Variants in KIAA1217 observed in about 807,000 individuals in gnomAD.
KIAA1217 encodes sickle tail protein homolog.
KIAA1217 carries 88 observed loss-of-function variants against 163.9 expected under a neutral mutation model. That is an observed-to-expected ratio of 0.54 (90% CI 0.45 to 0.64). The LOEUF is 0.64. Ranked by LOEUF, KIAA1217 falls within the 30% of genes least tolerant of loss-of-function variation. The pLI is 0.00. For missense variants in KIAA1217, 2,372 were observed against 2,475.0 expected (o/e 0.96, Z 0.88); for synonymous variants, 903 against 923.1 (o/e 0.98, Z 0.39).
chr10:23,853,650 C>T (rs372016974), intron 1 of KIAA1217, among the ~76,000 whole-genome samples: 23 of 152,110 alleles, frequency 1.5e-4, no homozygotes, highest in African/African-American at 5.1e-4. Context: ...GTCCTGGACT[C>T]TTTTTAGTTG....
At position 23,781,961 on chromosome 10, in the gene KIAA1217, A is replaced by G. The variant is rs1588791366; in HGVS notation, c.-321+86727A>G. On this transcript the variant is annotated intron_variant, in intron 1 of 18. Coordinates refer to the KIAA1217 transcript ENST00000376462. ...TTTTATGCCAGTACCACATTGTTTC[A>G]ATCGCTATAGCTTTATGATAATTTT... 2.0e-5 allele frequency among the ~76,000 whole-genome samples: 3 copies of G among 152,234 alleles called. No individual in the cohort carries two copies. The South Asian group carries it at 6.2e-4, about 32-fold the overall frequency.
At chr10:24,421,578 C>T (rs1281751795) in intron 3 of KIAA1217, among the ~76,000 whole-genome samples, 1 of 152,174 alleles carries the variant, frequency 6.6e-6, no homozygotes, top group African/African-American at 2.4e-5. Flanking sequence ...AATTTTAAAA[C>T]AATCCTTCTA....
intron 1 of KIAA1217, among the ~76,000 whole-genome samples, chr10:24,211,786 G>A (rs1218488074): frequency 3.3e-5 from 5 of 151,852 alleles, no homozygotes; most frequent in East Asian, 1.9e-4. Context: ...GGACCAGGCG[G>A]TGATTAGCAG....
At chr10:23,818,110 C>CACAT (rs148525808) in intron 1 of KIAA1217, among the ~76,000 whole-genome samples, 39 of 130,834 alleles carry the variant, frequency 3.0e-4, no homozygotes, top group East Asian at 8.5e-4. Flanking sequence ...CACACACACA[C>CACAT]ATATATATAT....
intron 1 of KIAA1217, among the ~76,000 whole-genome samples, chr10:23,977,041 G>C (rs935119861): frequency 6.6e-6 from 1 of 152,148 alleles, no homozygotes; most frequent in Non-Finnish European, 1.5e-5. Flanking sequence ...GAGCCTTTCT[G>C]CTGACGGAGA....
chr10:23,875,000 G>C (rs1268077432), intron 1 of KIAA1217, among the ~76,000 whole-genome samples: 1 of 151,940 alleles, frequency 6.6e-6, no homozygotes, highest in Non-Finnish European at 1.5e-5. Flanking sequence ...CATATCACAT[G>C]GCAAGAGCAG....
At chr10:24,498,717 G>T (rs1428958100) in intron 8 of KIAA1217, among the ~76,000 whole-genome samples, 1 of 152,178 alleles carries the variant, frequency 6.6e-6, no homozygotes, top group African/African-American at 2.4e-5. Flanking sequence ...GCTTTGGAAG[G>T]CTGATGTGGG....
chr10:24,092,271 A>C (rs2061963944), intron 2 of KIAA1217, among the ~76,000 whole-genome samples: 1 of 151,428 alleles, frequency 6.6e-6, no homozygotes, highest in South Asian at 2.1e-4. Flanking sequence ...CACTATATCC[A>C]ACTCCTCACT....
chr10:23,778,029 G>A (rs950333115), intron 1 of KIAA1217, among the ~76,000 whole-genome samples: 2 of 150,286 alleles, frequency 1.3e-5, no homozygotes, highest in East Asian at 2.0e-4. Flanking sequence ...TGTAACCACC[G>A]CCTCCGGGTT....
intron 1 of KIAA1217, among the ~76,000 whole-genome samples, chr10:23,987,706 C>T (rs1036086557): frequency 6.6e-6 from 1 of 152,012 alleles, no homozygotes; most frequent in African/African-American, 2.4e-5. Context: ...ATTTTTATAA[C>T]TACAGTCACT....
rs1317406530 is a variant in KIAA1217 at position 23,852,141 on chromosome 10, GT to G, written c.-320-155080del. ...TAGGTTTTCTTCTAGGGTTTTTATG[GT>G]TTTAGGTCTAAAGTTTAAGTCTTTA... On this transcript the variant is annotated intron_variant, in intron 1 of 18. Coordinates refer to the KIAA1217 transcript ENST00000376462. 5.3e-5 allele frequency among the ~76,000 whole-genome samples: 8 copies of G among 152,076 alleles called. 1 individual carries two copies. Among genetic ancestry groups the G allele is most frequent in the Admixed American group, 2.6e-4 (4 of 15,254 alleles).
chr10:24,325,329 C>T (rs540359968), intron 2 of KIAA1217, among the ~76,000 whole-genome samples: 8 of 152,122 alleles, frequency 5.3e-5, no homozygotes, highest in Non-Finnish European at 8.8e-5. Context: ...GCTCTGCAGG[C>T]GTCAGTTCCT....
At chr10:24,286,008 AGCTTGAATGTTGTT>A (rs1300047190) in intron 2 of KIAA1217, among the ~76,000 whole-genome samples, 1 of 152,050 alleles carries the variant, frequency 6.6e-6, no homozygotes, top group African/African-American at 2.4e-5. Context: ...TTTGGCTCTC[AGCTTGAATGTTGTT>A]GCTATATAGA....
intron 2 of KIAA1217, among the ~76,000 whole-genome samples, chr10:24,079,614 A>G (rs2061477262): frequency 6.6e-6 from 1 of 152,152 alleles, no homozygotes; most frequent in South Asian, 2.1e-4. Context: ...TGAAAGCTCT[A>G]TGGTCGATCT....
chr10:23,711,042 CTT>C (rs920025340), intron 1 of KIAA1217, among the ~76,000 whole-genome samples: 1 of 152,180 alleles, frequency 6.6e-6, no homozygotes, highest in African/African-American at 2.4e-5. Flanking sequence ...GACTCTTACT[CTT>C]TATCTAGATG....
intron 2 of KIAA1217, among the ~76,000 whole-genome samples, chr10:24,360,040 CTTTTTT>C (rs34396312): frequency 1.1e-3 from 103 of 94,288 alleles, no homozygotes; most frequent in African/African-American, 4.4e-3. Flanking sequence ...GATATAATTA[CTTTTTT>C]TTTTTTTTTT....
chr10:23,950,459 A>C (rs1844282855), intron 1 of KIAA1217, among the ~76,000 whole-genome samples: 1 of 150,436 alleles, frequency 6.6e-6, no homozygotes, highest in Non-Finnish European at 1.5e-5. Context: ...TTTTAAACAC[A>C]TAAACGACTC....
At position 24,139,379 on chromosome 10, in the gene KIAA1217, C is replaced by T. The variant is rs1589642256; in HGVS notation, c.-170-80247C>T. 2.6e-5 allele frequency among the ~76,000 whole-genome samples: 4 copies of T among 152,206 alleles called. No individual in the cohort carries two copies. The South Asian group carries it at 8.3e-4, about 32-fold the overall frequency. ...TTTTTTTGAGTATATATTGATTTCT[C>T]ATATATTGTAGATTCTGTTTTGAAA... On this transcript the variant is annotated intron_variant, in intron 2 of 18. Coordinates refer to the KIAA1217 transcript ENST00000376462.
chr10:23,757,135 G>A (rs927888489), intron 1 of KIAA1217, among the ~76,000 whole-genome samples: 6 of 151,994 alleles, frequency 3.9e-5, no homozygotes, highest in African/African-American at 1.5e-4. Context: ...ATGAATGCGT[G>A]GGTTCTTCCA....
Sources: gnomAD v4.1 joint callset for allele counts (sites outside exome capture counted in the v4.1 genomes callset) on GRCh38, gnomAD v4.1.1 for gene constraint, MANE v1.5 for transcripts, NCBI Gene and HGNC (gene_info 2026-07-23, HGNC 2026-07-21) for gene names.